The following EXOC6 variants were observed in gnomAD, a reference collection of about 807,000 sequenced individuals.
EXOC6 encodes SEC15-like 1.
Under a neutral mutation model 112.5 loss-of-function variants are expected in EXOC6, and 60 were observed. The observed-to-expected ratio is 0.53, with a 90% CI of 0.43 to 0.66. EXOC6 has a LOEUF of 0.66. EXOC6 is among the 30% of genes least tolerant of loss of function. EXOC6 has a pLI of 0.00. For synonymous variants in EXOC6, 295 were observed against 308.0 expected, an observed-to-expected ratio of 0.96 and a Z score of 0.44; for missense variants, 855 against 957.1, an observed-to-expected ratio of 0.89 and a Z score of 1.41.
At chr10:92,838,449 G>A (rs997228982) in intron 1 of EXOC6, among the ~76,000 whole-genome samples, 8 of 152,156 alleles carry the variant, frequency 5.3e-5, no homozygotes, top group Non-Finnish European at 8.8e-5. Flanking sequence ...AGAATCAGAT[G>A]ATTCTGAGGT....
At chr10:92,940,622 T>C in intron 12 of EXOC6, 105 bp from the exon 13 acceptor site, 1 of 686,488 alleles carries the variant, frequency 1.5e-6, no homozygotes, top group Non-Finnish European at 2.4e-6. Context: ...TGGCATGCAA[T>C]GGGATCTAGT....
chr10:92,934,187 T>C lies in EXOC6; in HGVS notation c.1016T>C (p.Val339Ala). 1 of 1,549,690 alleles carries C rather than the reference T, an allele frequency of 6.5e-7. No homozygotes were observed. The highest frequency in any genetic ancestry group is 8.8e-7 in the Non-Finnish European group (1 of 1,132,710). The change falls in exon 10 of 22, where the codon GTA (valine) becomes GCA (alanine). Residue 339 changes from valine (V) to alanine (A), a missense_variant. Physicochemically the swap from Val to Ala is moderately conservative, Grantham distance 64 (BLOSUM62 0). Around this residue, in one of 2 missense-constraint regions of EXOC6, gnomAD observed 450 missense variants for 563.5 expected, o/e 0.80. Coordinates refer to ENST00000260762, the MANE Select transcript of EXOC6 (RefSeq NM_019053.6). Reference protein sequence around the residue: ...DGYRRYFTQIVGFFVVEDHIL... With the variant: ...DGYRRYFTQIAGFFVVEDHIL... ...TATAGAAGATATTTCACTCAAATTG[T>C]AGGGTATGTATCTAATATGGAAATA...
At chr10:92,942,361 C>T (rs770375355) in intron 13 of EXOC6, among the ~76,000 whole-genome samples, 1 of 152,224 alleles carries the variant, frequency 6.6e-6, no homozygotes, top group Non-Finnish European at 1.5e-5. Context: ...CACCACTGCA[C>T]TCCAGCCTGC....
intron 5 of EXOC6, among the ~76,000 whole-genome samples, chr10:92,903,535 C>G (rs2073347239): frequency 1.3e-5 from 2 of 151,860 alleles, no homozygotes; most frequent in Admixed American, 1.3e-4. Flanking sequence ...ATTGGCTTAT[C>G]TAGAGATCTC....
At chr10:92,938,446 A>T (rs924802860) in intron 12 of EXOC6, among the ~76,000 whole-genome samples, 8 of 152,068 alleles carry the variant, frequency 5.3e-5, no homozygotes, top group African/African-American at 1.9e-4. Context: ...TTTCATGAAA[A>T]CTAATTAAAG....
At chr10:92,975,854 G>A (rs1382300163) in intron 18 of EXOC6, among the ~76,000 whole-genome samples, 68 of 129,698 alleles carry the variant, frequency 5.2e-4, no homozygotes, top group African/African-American at 1.1e-3. Flanking sequence ...GCCTCTGCCC[G>A]GCCGCCCCTA....
chr10:92,965,317 G>T (rs142954575), intron 17 of EXOC6, among the ~76,000 whole-genome samples: 310 of 152,184 alleles, frequency 2.0e-3, no homozygotes, highest in African/African-American at 7.2e-3. Flanking sequence ...GCACACCTAT[G>T]GTTGGGAACC....
intron 19 of EXOC6, among the ~76,000 whole-genome samples, chr10:92,999,719 T>G (rs1357176714): frequency 6.6e-6 from 1 of 151,922 alleles, no homozygotes; most frequent in Non-Finnish European, 1.5e-5. Context: ...TTTTTTTTTT[T>G]TTGAGGCAGG....
chr10:92,963,427 T>C (rs1353092579), intron 17 of EXOC6, among the ~76,000 whole-genome samples: 2 of 152,154 alleles, frequency 1.3e-5, no homozygotes, highest in Non-Finnish European at 2.9e-5. Context: ...ACCTTTGTAA[T>C]AGAACATTTA....
At chr10:93,024,958 A>G (rs1488277188) in intron 20 of EXOC6, among the ~76,000 whole-genome samples, 1 of 152,144 alleles carries the variant, frequency 6.6e-6, no homozygotes, top group African/African-American at 2.4e-5. Flanking sequence ...TTTTAAAATA[A>G]TAATTTGAGT....
chr10:92,976,534 C>T (rs1412337457), intron 18 of EXOC6, among the ~76,000 whole-genome samples: 3 of 151,432 alleles, frequency 2.0e-5, no homozygotes, highest in Non-Finnish European at 2.9e-5. Context: ...TGCGGAAGGC[C>T]GCAGGGTCCT....
intron 5 of EXOC6, among the ~76,000 whole-genome samples, chr10:92,904,241 T>A (rs1219514640): frequency 6.6e-6 from 1 of 152,082 alleles, no homozygotes; most frequent in African/African-American, 2.4e-5. Flanking sequence ...TTTTGGCAAT[T>A]GTGAATAAAG....
intron 13 of EXOC6, among the ~76,000 whole-genome samples, chr10:92,942,809 A>C (rs1194182185): frequency 6.6e-6 from 1 of 152,080 alleles, no homozygotes; most frequent in Non-Finnish European, 1.5e-5. Context: ...TAAGACTTCT[A>C]GTACTAAGAT....
At chr10:92,829,841 C>A (rs1410587127), upstream of EXOC6, among the ~76,000 whole-genome samples, 1 of 152,148 alleles carries the variant, frequency 6.6e-6, no homozygotes, top group South Asian at 2.1e-4. Flanking sequence ...ATGAGAGTGA[C>A]TTCTGATCAT....
chr10:92,906,605 A>G (rs894740340), intron 5 of EXOC6, among the ~76,000 whole-genome samples: 3 of 152,178 alleles, frequency 2.0e-5, no homozygotes, highest in Non-Finnish European at 4.4e-5. Flanking sequence ...TACTTTGTTT[A>G]TTTTTAAAAA....
intron 20 of EXOC6, among the ~76,000 whole-genome samples, chr10:93,028,656 G>A (rs1845129040): frequency 6.6e-6 from 1 of 152,054 alleles, no homozygotes; most frequent in Admixed American, 6.5e-5. Context: ...CCAACATGGA[G>A]AAACCCTGTC....
intron 17 of EXOC6, among the ~76,000 whole-genome samples, chr10:92,958,403 A>T (rs1399822260): frequency 1.3e-5 from 2 of 152,196 alleles, no homozygotes. Context: ...TACTCTGAAG[A>T]GTTGTCTTTT....
chr10:92,918,509 T>C (rs1057378631), intron 7 of EXOC6, among the ~76,000 whole-genome samples: 23 of 151,974 alleles, frequency 1.5e-4, no homozygotes, highest in Non-Finnish European at 2.6e-4. Context: ...CAAACTCTTA[T>C]GTTCAAATGC....
intron 20 of EXOC6, among the ~76,000 whole-genome samples, chr10:93,038,248 TGATCTTTTTGCTACATAAA>T (rs1177203665): frequency 1.3e-5 from 2 of 152,132 alleles, no homozygotes; most frequent in Non-Finnish European, 1.5e-5. Flanking sequence ...TTTTCAGTTA[TGATCTTTTTGCTACATAAA>T]ATAATATTCC....
Sources: allele counts gnomAD v4.1 joint callset (sites outside exome capture counted in the v4.1 genomes callset), GRCh38; gene constraint gnomAD v4.1.1; regional missense constraint gnomAD v4.1.1; transcripts MANE v1.5; gene names NCBI Gene and HGNC (gene_info 2026-07-23, HGNC 2026-07-21).